SS18: variants seen among roughly 807,000 people sequenced by gnomAD.
The protein encoded by SS18 is SS18 subunit of BAF chromatin remodeling complex.
In SS18, 28 loss-of-function variants were observed where a neutral mutation model predicts 72.5. The ratio of observed to expected loss-of-function variants is 0.39; its 90% CI spans 0.29 to 0.53. The LOEUF (loss-of-function observed/expected upper bound fraction) is 0.53. SS18 is among the 20% of genes least tolerant of loss of function. The pLI, the probability that SS18 is intolerant of heterozygous loss-of-function variation, is 0.76. For synonymous variants in SS18, 172 were observed against 164.2 expected, an observed-to-expected ratio of 1.05 and a Z score of -0.37; for missense variants, 518 against 535.3, an observed-to-expected ratio of 0.97 and a Z score of 0.32.
At chr18:26,037,930 G>A (rs1034512178) in intron 7 of SS18, among the ~76,000 whole-genome samples, 1 of 151,784 alleles carries the variant, frequency 6.6e-6, no homozygotes, top group African/African-American at 2.4e-5. Flanking sequence ...TTTTTCACAA[G>A]CCACTTTCTA....
intron 5 of SS18, among the ~76,000 whole-genome samples, chr18:26,040,212 T>A (rs1296041694): frequency 6.6e-6 from 1 of 152,154 alleles, no homozygotes; most frequent in Non-Finnish European, 1.5e-5. Context: ...AAGTGAGCAA[T>A]ACTGGGGTAG....
Position 26,035,229 on chromosome 18 carries a change from TG to T in SS18, c.974-103del. The T allele has an allele frequency of 7.7e-7, 1 of 1,304,598 alleles. No homozygotes were observed. Among genetic ancestry groups the T allele is most frequent in the African/African-American group, 1.5e-5 (1 of 67,576 alleles). 80.8% of individuals were successfully genotyped at this position (1,304,598 alleles called of 1,614,324 possible). A position where few individuals can be genotyped will look rare whatever the true frequency, so the allele number is the denominator to read the frequency against. On this transcript the variant is annotated intron_variant, in intron 8 of 10. Coordinates refer to ENST00000415083, the MANE Select transcript of SS18 (RefSeq NM_001007559.3). This position sits in a 1 kb window ranked among gnomAD's most constrained non-coding sequence, Gnocchi z 4.4. ...CCAACAACACAAGAACAAAATGAAATGCCATATTGATTTTTAGAAGTTAACA... is the reference window on the plus strand; with the variant it reads ...CCAACAACACAAGAACAAAATGAAATCCATATTGATTTTTAGAAGTTAACA...
At position 26,076,835 on chromosome 18, in the gene SS18, A is replaced by G. The variant is rs374730382; in HGVS notation, c.231+1241T>C. Among the ~76,000 whole-genome samples the G allele has an allele frequency of 3.9e-5, 6 of 152,100 alleles. No individual in the cohort carries two copies. In the East Asian group the frequency reaches 1.2e-3, roughly 29 times the overall value. On this transcript the variant is annotated intron_variant, in intron 3 of 10. Coordinates refer to ENST00000415083, the MANE Select transcript of SS18 (RefSeq NM_001007559.3). ...AAGGGATTTAAACATTAAAAATCCAAAAATGTATTAAATTCAGATAATAAA... is the reference window on the plus strand; with the variant it reads ...AAGGGATTTAAACATTAAAAATCCAGAAATGTATTAAATTCAGATAATAAA...
At chr18:26,061,629 G>A (rs981176362) in intron 3 of SS18, among the ~76,000 whole-genome samples, 2 of 150,378 alleles carry the variant, frequency 1.3e-5, no homozygotes, top group Non-Finnish European at 3.0e-5. Flanking sequence ...AAATGAAGAT[G>A]ACAAAATGAC....
chr18:26,043,627 T>G (rs1568001785), intron 5 of SS18, among the ~76,000 whole-genome samples: 1 of 152,322 alleles, frequency 6.6e-6, no homozygotes, highest in South Asian at 2.1e-4. Flanking sequence ...TTTACTTACC[T>G]AAATTATACA....
At chr18:26,070,309 A>G (rs1348723053) in intron 3 of SS18, among the ~76,000 whole-genome samples, 1 of 152,130 alleles carries the variant, frequency 6.6e-6, no homozygotes, top group Admixed American at 6.5e-5. Flanking sequence ...GAGCCAGAGT[A>G]GTGCACATTT....
At chr18:26,051,868 A>C (rs1326309475) in intron 5 of SS18, among the ~76,000 whole-genome samples, 1 of 152,178 alleles carries the variant, frequency 6.6e-6, no homozygotes, top group African/African-American at 2.4e-5. Context: ...ATTAACACTA[A>C]CTTCTTTTAT....
At chr18:26,070,254 CT>C (rs2054290034) in intron 3 of SS18, among the ~76,000 whole-genome samples, 1 of 152,128 alleles carries the variant, frequency 6.6e-6, no homozygotes, top group Non-Finnish European at 1.5e-5. Flanking sequence ...TAAATGATGC[CT>C]GCAAGGTTTA....
chr18:26,082,334 G>A, intron 2 of SS18: 1 of 911,318 alleles, frequency 1.1e-6, no homozygotes, highest in Non-Finnish European at 1.3e-6. Context: ...TAAGCTGGAA[G>A]TAATTTCATT....
intron 3 of SS18, among the ~76,000 whole-genome samples, chr18:26,073,517 T>C (rs2054353559): frequency 6.6e-6 from 1 of 152,220 alleles, no homozygotes; most frequent in African/African-American, 2.4e-5. Flanking sequence ...ATGTTTGCCT[T>C]TTATGCTAAG....
At chr18:26,077,930 A>C (rs2054446393) in intron 3 of SS18, 146 bp downstream of exon 3, 1 of 478,152 alleles carries the variant, frequency 2.1e-6, no homozygotes, top group African/African-American at 2.0e-5. Flanking sequence ...AGCAAAACAA[A>C]GCTTTTAGAT....
chr18:26,017,708 T>C lies in SS18; in HGVS notation c.*646A>G, dbSNP rs1598515270. 4.6e-6 allele frequency: 1 copy of C among 215,210 alleles called. No individual in the cohort carries two copies. Among genetic ancestry groups the C allele is most frequent in the East Asian group, 7.0e-5 (1 of 14,372 alleles). 13.3% of individuals were successfully genotyped at this position (215,210 alleles called of 1,614,324 possible). A position where few individuals can be genotyped will look rare whatever the true frequency, so the allele number is the denominator to read the frequency against. Reference sequence around the variant, plus strand: ...ACTCAAAACTGTATCACAGTGCCCTTGATTATCTAATAGATAAAAGGGATT... The same window carrying C: ...ACTCAAAACTGTATCACAGTGCCCTCGATTATCTAATAGATAAAAGGGATT... On this transcript the variant is annotated 3_prime_UTR_variant, in exon 11 of 11. Transcript: ENST00000415083.
At chr18:26,080,475 G>T in intron 2 of SS18, 1 of 589,380 alleles carries the variant, frequency 1.7e-6, no homozygotes, top group Non-Finnish European at 2.1e-6. Flanking sequence ...CAAAGCCAGT[G>T]TGAAACTACT....
chr18:26,020,912 C>T (rs1010026752), intron 10 of SS18, among the ~76,000 whole-genome samples: 5 of 152,034 alleles, frequency 3.3e-5, no homozygotes, highest in Admixed American at 1.3e-4. Context: ...AGAAAGAATA[C>T]GCAATAATGA....
At chr18:26,089,732 C>T (rs1042152718) in intron 1 of SS18, 1 of 152,266 alleles carries the variant, frequency 6.6e-6, no homozygotes, top group Admixed American at 6.5e-5. Flanking sequence ...AAGGAGGCAG[C>T]TCCCTGTGTA....
intron 10 of SS18, among the ~76,000 whole-genome samples, chr18:26,029,478 G>A (rs868069868): frequency 6.6e-6 from 1 of 152,156 alleles, no homozygotes; most frequent in South Asian, 2.1e-4. Context: ...TTGGGTGAAA[G>A]GAGACTGTGA....
At chr18:26,090,890 C>T (rs1164826854), upstream of SS18, 3 of 377,260 alleles carry the variant, frequency 8.0e-6, no homozygotes, top group Admixed American at 4.8e-5. Context: ...TCCGCTTCAG[C>T]GATTCAGGAA....
chr18:26,079,777 C>T (rs1304150385), intron 2 of SS18, among the ~76,000 whole-genome samples: 2 of 152,078 alleles, frequency 1.3e-5, no homozygotes. Flanking sequence ...GACAGGGTTT[C>T]ACCATGTTGC....
intron 2 of SS18, chr18:26,081,194 T>C (rs1004758159): frequency 1.3e-5 from 2 of 152,038 alleles, no homozygotes; most frequent in Admixed American, 6.6e-5. Context: ...CAAATAAGTA[T>C]ATTCTTTTTT....
Sources: allele counts gnomAD v4.1 joint callset (sites outside exome capture counted in the v4.1 genomes callset), GRCh38; gene constraint gnomAD v4.1.1; non-coding constraint Gnocchi (gnomAD v3.1); transcripts MANE v1.5; gene names NCBI Gene and HGNC (gene_info 2026-07-23, HGNC 2026-07-21).